The following JADE1 variants were observed in gnomAD, a reference collection of about 807,000 sequenced individuals.
JADE1 encodes protein Jade-1.
In JADE1, 14 loss-of-function variants were observed where a neutral mutation model predicts 81.8. That is an observed-to-expected ratio of 0.17 (90% CI 0.11 to 0.27). The LOEUF (loss-of-function observed/expected upper bound fraction) is 0.27, where lower values mean the gene tolerates loss of function less well. JADE1 is among the 10% of genes least tolerant of loss of function. The probability of loss-of-function intolerance (pLI) is 1.00; values close to 1 mark genes in which losing one functional copy is unlikely to be tolerated. For missense variants in JADE1, 690 were observed against 1,047.9 expected (o/e 0.66, Z 4.71); for synonymous variants, 353 against 391.9 (o/e 0.90, Z 1.17).
chr4:128,851,180 A>G (rs1165155440), intron 5 of JADE1, among the ~76,000 whole-genome samples: 2 of 152,200 alleles, frequency 1.3e-5, no homozygotes, highest in Non-Finnish European at 2.9e-5. Flanking sequence ...ATCTACCTGC[A>G]AAGTACTGGG....
intron 1 of JADE1, among the ~76,000 whole-genome samples, chr4:128,818,017 C>T (rs1727193246): frequency 6.6e-6 from 1 of 152,150 alleles, no homozygotes. Flanking sequence ...AAGTAGGAGC[C>T]TCAGGGGTTT....
intron 3 of JADE1, among the ~76,000 whole-genome samples, chr4:128,845,134 A>G (rs1324705530): frequency 1.3e-5 from 2 of 152,218 alleles, no homozygotes; most frequent in Non-Finnish European, 2.9e-5. Context: ...CTTAGACACC[A>G]GTGGGCCAAG....
At chr4:128,835,781 A>G (rs1360604784) in intron 2 of JADE1, among the ~76,000 whole-genome samples, 3 of 152,212 alleles carry the variant, frequency 2.0e-5, no homozygotes, top group South Asian at 4.1e-4. Flanking sequence ...AGCCACAGCC[A>G]TGGCTGGGAC....
intron 6 of JADE1, among the ~76,000 whole-genome samples, chr4:128,854,001 C>T (rs954990920): frequency 1.4e-4 from 22 of 152,182 alleles, no homozygotes; most frequent in Non-Finnish European, 3.2e-4. Context: ...ATCCTGATGA[C>T]CAGTGTTGCT....
chr4:128,857,257 A>G lies in JADE1; in HGVS notation c.865-81A>G. ...TCTGGTAGGAGAGATGTAGGAAAGT[A>G]ATGGATCTTTTAGTTTCTGACATTC... On this transcript the variant is annotated intron_variant, in intron 7 of 10. Coordinates refer to ENST00000226319, the MANE Select transcript of JADE1 (RefSeq NM_199320.4). 7.6e-6 allele frequency: 8 copies of G among 1,053,576 alleles called. No individual in the cohort carries two copies. In the South Asian group the frequency reaches 1.0e-4, roughly 14 times the overall value. The allele number at this position is 1,053,576 out of a possible 1,614,324, so 65.3% of individuals were successfully genotyped here.
intron 6 of JADE1, among the ~76,000 whole-genome samples, chr4:128,855,155 G>GCTGTATGCTTTTTCTCCACACT (rs898366843): frequency 2.6e-5 from 4 of 152,106 alleles, no homozygotes; most frequent in African/African-American, 9.7e-5. Flanking sequence ...TCTCTCAGCT[G>GCTGTATGCTTTTTCTCCACACT]CTGTATGCTT....
At chr4:128,842,712 G>A (rs1029670831) in intron 2 of JADE1, among the ~76,000 whole-genome samples, 11 of 152,226 alleles carry the variant, frequency 7.2e-5, no homozygotes, top group Non-Finnish European at 7.3e-5. Context: ...CTTCTGTTGG[G>A]TGTGGTCCTT....
chr4:128,814,349 G>C (rs1005478816), intron 1 of JADE1, among the ~76,000 whole-genome samples: 1 of 152,178 alleles, frequency 6.6e-6, no homozygotes, highest in Admixed American at 6.5e-5. Context: ...GCACGTGACC[G>C]ATATTAATTT....
chr4:128,822,931 T>G (rs1206616496), intron 1 of JADE1, among the ~76,000 whole-genome samples: 3 of 152,158 alleles, frequency 2.0e-5, no homozygotes, highest in African/African-American at 7.2e-5. Flanking sequence ...ATATTTTGGG[T>G]TTTTTCCCTG....
rs1017999192 is a variant in JADE1, at chr4:128,846,061, A to C, written c.139-314A>C. 1.3e-5 allele frequency among the ~76,000 whole-genome samples: 2 copies of C among 152,164 alleles called. No homozygotes were observed. Among genetic ancestry groups the C allele is most frequent in the Non-Finnish European group, 2.9e-5 (2 of 68,026 alleles). On this transcript the variant is annotated intron_variant, in intron 3 of 10. Coordinates refer to ENST00000226319, the MANE Select transcript of JADE1 (RefSeq NM_199320.4). This position sits in a 1 kb window ranked among gnomAD's most constrained non-coding sequence, Gnocchi z 4.0. ...CAGAGATTTCCAGGTACATGTTTTC[A>C]GCAGCCCTTTTGGTGAACTGAGAGA...
At position 128,871,603 on chromosome 4, in the gene JADE1, A is replaced by G; in HGVS notation, c.1870A>G (p.Met624Val). ...AGACCTGTGTGGTAGAAGGGAGGGG[A>G]TGGTGGTCCCAGAGAGCTTTTTGGG... Reference protein sequence around the residue: ...QPDLCGRREGMVVPESFLGLE... With the variant: ...QPDLCGRREGVVVPESFLGLE... The change falls in exon 11 of 11, where the codon ATG becomes GTG. Residue 624 changes from methionine to valine, a missense_variant. Around this residue, in one of 8 missense-constraint regions of JADE1, gnomAD observed 218 missense variants for 274.3 expected, o/e 0.79. Coordinates refer to ENST00000226319, the MANE Select transcript of JADE1 (RefSeq NM_199320.4). The surrounding 1 kb of genome is among the most constrained non-coding windows in gnomAD (Gnocchi z 4.1). 3.1e-6 allele frequency: 5 copies of G among 1,614,192 alleles called. No homozygotes were observed. The highest frequency in any genetic ancestry group is 3.4e-6 in the Non-Finnish European group (4 of 1,180,028).
chr4:128,863,627 T>G (rs535409200), intron 9 of JADE1: 1 of 985,406 alleles, frequency 1.0e-6, no homozygotes, highest in Non-Finnish European at 1.2e-6. Flanking sequence ...AGAGGCAGGA[T>G]CCTGGAGCAG....
intron 2 of JADE1, among the ~76,000 whole-genome samples, chr4:128,840,156 A>G (rs1398973898): frequency 6.6e-6 from 1 of 152,178 alleles, no homozygotes; most frequent in South Asian, 2.1e-4. Context: ...TCCTAGGAAA[A>G]GTTTTCAAAT....
At chr4:128,838,759 A>C (rs1166922910) in intron 2 of JADE1, among the ~76,000 whole-genome samples, 1 of 152,182 alleles carries the variant, frequency 6.6e-6, no homozygotes, top group African/African-American at 2.4e-5. Flanking sequence ...GATTTTAATA[A>C]TATTCTGGTA....
In JADE1 at chr4:128,873,299, GAA is replaced by G. The variant is rs1329509723; in HGVS notation, c.*1043_*1044del. The G allele has an allele frequency of 3.3e-5, 4 of 121,392 alleles. No individual in the cohort carries two copies. The highest frequency in any genetic ancestry group is 7.3e-5 in the Non-Finnish European group (4 of 55,026). The allele number at this position is 121,392 out of a possible 1,614,324, so 7.5% of individuals were successfully genotyped here. ...AAAAAAAGAAAAAAAAAAGAAAAAA[GAA>G]AAAAAGAGAAAAAAGCGAAATAGGT... On this transcript the variant is annotated 3_prime_UTR_variant, in exon 11 of 11. Coordinates refer to ENST00000226319, the MANE Select transcript of JADE1 (RefSeq NM_199320.4).
chr4:128,861,835 T>A lies in JADE1; in HGVS notation c.1113T>A (p.His371Gln), dbSNP rs1401636577. Residue 371 changes from histidine (H) to glutamine (Q), a missense_variant, in exon 9 of 11, where the codon CAT (histidine) becomes CAA (glutamine). Physicochemically the swap from His to Gln is conservative, Grantham distance 24. This residue lies in a region of JADE1 where 77 missense variants were observed against 76.4 expected (regional missense o/e 1.01). Transcript: ENST00000226319. ...FKSYCPKHSS[H>Q]RKPEESLGKG... is the part of the protein sequence containing the mutation. ...CCTATTGCCCAAAGCACAGCTCACA[T>A]AGGAAACCCGAGGAGAGTCTTGGCA... 1 of 1,614,148 alleles carries A rather than the reference T, an allele frequency of 6.2e-7. No homozygotes were observed. Among genetic ancestry groups the A allele is most frequent in the Non-Finnish European group, 8.5e-7 (1 of 1,180,008 alleles).
At chr4:128,845,031 A>G (rs1050210728) in intron 3 of JADE1, among the ~76,000 whole-genome samples, 7 of 152,340 alleles carry the variant, frequency 4.6e-5, no homozygotes, top group African/African-American at 1.7e-4. Context: ...ACTTGTGTAA[A>G]CAGACAGGGC....
At chr4:128,830,852 C>T (rs1728492206) in intron 1 of JADE1, among the ~76,000 whole-genome samples, 1 of 152,196 alleles carries the variant, frequency 6.6e-6, no homozygotes, top group African/African-American at 2.4e-5. Flanking sequence ...TGCCTTCTTA[C>T]CTAAATGCAG....
chr4:128,864,357 GT>G (rs1731622124), intron 9 of JADE1: 1 of 729,924 alleles, frequency 1.4e-6, no homozygotes, highest in Non-Finnish European at 1.7e-6. Flanking sequence ...TGTTGGTCAG[GT>G]TGGTCTTGAA....
Sources: gnomAD v4.1 joint callset for allele counts (sites outside exome capture counted in the v4.1 genomes callset) on GRCh38, gnomAD v4.1.1 for gene constraint, gnomAD v4.1.1 regional missense constraint, Gnocchi (gnomAD v3.1) non-coding constraint, MANE v1.5 for transcripts, NCBI Gene and HGNC (gene_info 2026-07-23, HGNC 2026-07-21) for gene names.